The following KIAA1549L variants were observed in gnomAD, a reference collection of about 807,000 sequenced individuals.
The protein encoded by KIAA1549L is UPF0606 protein KIAA1549L.
In KIAA1549L, 88 loss-of-function variants were observed where a neutral mutation model predicts 160.7. The ratio of observed to expected loss-of-function variants is 0.55; its 90% confidence interval spans 0.46 to 0.65. The LOEUF is 0.65. Among genes scored for constraint, KIAA1549L ranks in the 30% least tolerant of loss-of-function variants. KIAA1549L has a pLI of 0.00. For missense variants in KIAA1549L, 2,258 were observed against 2,437.5 expected (o/e 0.93, Z 1.55); for synonymous variants, 950 against 976.7 (o/e 0.97, Z 0.51).
chr11:33,444,377 A>G (rs888311028), intron 1 of KIAA1549L, among the ~76,000 whole-genome samples: 2 of 152,202 alleles, frequency 1.3e-5, no homozygotes, highest in African/African-American at 2.4e-5. Context: ...GAACTCTAAG[A>G]TATGTCATTA....
At chr11:33,639,299 A>G (rs1206441358) in intron 16 of KIAA1549L, among the ~76,000 whole-genome samples, 1 of 152,192 alleles carries the variant, frequency 6.6e-6, no homozygotes, top group African/African-American at 2.4e-5. Context: ...TTTTAAAACA[A>G]CATTAAAAGA....
Position 33,645,941 on chromosome 11 carries a change from AC to A in KIAA1549L, c.5667del (p.Ser1890AlafsTer6). Reference sequence around the variant, plus strand: ...GCACCTGCCCTATTCGGAGGTGGTGACCAGCGCTCCGGGGACCATGACGCGG... The same window carrying A: ...GCACCTGCCCTATTCGGAGGTGGTGACAGCGCTCCGGGGACCATGACGCGG... The part of the protein sequence containing the change: ...AQHLPYSEVV[T>X]SAPGTMTRPR... On this transcript the variant is annotated frameshift_variant, in exon 17 of 21. Transcript: ENST00000658780. LOFTEE classifies it high-confidence loss of function. 1 of 1,613,030 alleles carries A rather than the reference AC, an allele frequency of 6.2e-7. No individual in the cohort carries two copies. Among genetic ancestry groups the A allele is most frequent in the African/African-American group, 1.3e-5 (1 of 75,050 alleles).
chr11:33,441,496 A>G (rs1186550240), intron 1 of KIAA1549L, among the ~76,000 whole-genome samples: 8 of 96,732 alleles, frequency 8.3e-5, no homozygotes, highest in Non-Finnish European at 1.3e-4. Flanking sequence ...GAATCGCCAC[A>G]CGACTTCCAC....
At chr11:33,655,277 T>G (rs1216606006) in intron 17 of KIAA1549L, among the ~76,000 whole-genome samples, 1 of 152,086 alleles carries the variant, frequency 6.6e-6, no homozygotes, top group Non-Finnish European at 1.5e-5. Flanking sequence ...ACACACAGAC[T>G]TACCTGATCT....
At chr11:33,514,651 C>T (rs1160763866) in intron 1 of KIAA1549L, among the ~76,000 whole-genome samples, 1 of 152,218 alleles carries the variant, frequency 6.6e-6, no homozygotes, top group African/African-American at 2.4e-5. Context: ...CATATACCAA[C>T]CAGCCAATTT....
chr11:33,389,898 A>G (rs956144654), intron 1 of KIAA1549L, among the ~76,000 whole-genome samples: 2 of 152,230 alleles, frequency 1.3e-5, no homozygotes, highest in Admixed American at 1.3e-4. Flanking sequence ...TTCAGGGGAC[A>G]GATCACCTAG....
At chr11:33,546,468 C>A (rs1327238700) in intron 3 of KIAA1549L, among the ~76,000 whole-genome samples, 1 of 152,142 alleles carries the variant, frequency 6.6e-6, no homozygotes, top group Non-Finnish European at 1.5e-5. Flanking sequence ...ATCACCAGTT[C>A]CTTTCACTTC....
intron 1 of KIAA1549L, among the ~76,000 whole-genome samples, chr11:33,449,687 C>T (rs768658795): frequency 5.3e-5 from 8 of 151,556 alleles, no homozygotes; most frequent in South Asian, 2.1e-4. Context: ...TCTGACCTTA[C>T]GGTTGCATCT....
chr11:33,587,913 A>G (rs942385725), intron 11 of KIAA1549L, among the ~76,000 whole-genome samples: 1 of 152,170 alleles, frequency 6.6e-6, no homozygotes, highest in African/African-American at 2.4e-5. Flanking sequence ...ACGGCAGGAG[A>G]TGCTAACCAA....
chr11:33,400,549 A>G (rs1850478286), intron 1 of KIAA1549L, among the ~76,000 whole-genome samples: 1 of 152,228 alleles, frequency 6.6e-6, no homozygotes, highest in South Asian at 2.1e-4. Context: ...TTACCAGAGC[A>G]GGTCTTAGAG....
chr11:33,437,210 C>T (rs910525161), intron 1 of KIAA1549L, among the ~76,000 whole-genome samples: 14 of 152,124 alleles, frequency 9.2e-5, no homozygotes, highest in Admixed American at 7.2e-4. Context: ...AGAGTACTCT[C>T]ATATGTACAC....
chr11:33,388,524 A>AT (rs1412463394), intron 1 of KIAA1549L, among the ~76,000 whole-genome samples: 2 of 152,164 alleles, frequency 1.3e-5, no homozygotes, highest in African/African-American at 4.8e-5. Flanking sequence ...AGACCTCTTC[A>AT]TACAAATATT....
Position 33,537,100 on chromosome 11 carries a change from G to A in KIAA1549L, c.239-4702G>A, listed in dbSNP as rs546089206. Among the ~76,000 whole-genome samples, 16 of 152,340 alleles carry A rather than the reference G, an allele frequency of 1.1e-4. No individual in the cohort carries two copies. The South Asian group carries it at 3.3e-3, about 32-fold the overall frequency. ...ATCTAGCTGTGGTTACCTTTTATCA[G>A]TTCCTTGTACTCGTGATGCCTCTTC... On this transcript the variant is annotated intron_variant, in intron 1 of 20. Coordinates refer to ENST00000658780, the MANE Select transcript of KIAA1549L (RefSeq NM_012194.3).
intron 1 of KIAA1549L, among the ~76,000 whole-genome samples, chr11:33,445,806 G>C (rs758131703): frequency 1.3e-5 from 2 of 152,134 alleles, no homozygotes; most frequent in Non-Finnish European, 2.9e-5. Context: ...GCATAAACAG[G>C]ACTCAATGAA....
intron 20 of KIAA1549L, among the ~76,000 whole-genome samples, chr11:33,663,066 A>G (rs540496788): frequency 6.6e-6 from 1 of 152,244 alleles, no homozygotes; most frequent in Non-Finnish European, 1.5e-5. Flanking sequence ...GGTGATTTAT[A>G]GCATATGAAA....
intron 18 of KIAA1549L, among the ~76,000 whole-genome samples, chr11:33,656,861 G>T (rs932376803): frequency 6.6e-6 from 1 of 152,130 alleles, no homozygotes; most frequent in African/African-American, 2.4e-5. Flanking sequence ...AATGCGGAGG[G>T]GCGTAGACGT....
chr11:33,645,872 C>T lies in KIAA1549L; in HGVS notation c.5596C>T (p.His1866Tyr), dbSNP rs775563655. ...EEAFSLASAG[H>Y]AGQSRHQEAY... is the part of the protein sequence containing the mutation. ...GGCCTTCAGCCTGGCATCCGCGGGC[C>T]ACGCAGGCCAGAGCCGGCACCAAGA... Residue 1866 changes from histidine (H) to tyrosine (Y), a missense_variant, in exon 17 of 21, where the codon CAC becomes TAC. His to Tyr is a moderately conservative substitution (Grantham distance 83). Coordinates refer to ENST00000658780, the MANE Select transcript of KIAA1549L (RefSeq NM_012194.3). 4.3e-6 allele frequency: 7 copies of T among 1,613,738 alleles called. No individual in the cohort carries two copies. The highest frequency in any genetic ancestry group is 5.9e-6 in the Non-Finnish European group (7 of 1,179,870).
chr11:33,660,876 A>G lies in KIAA1549L; in HGVS notation c.6021A>G (p.Pro2007=). Residue 2007 remains proline, a synonymous_variant, in exon 20 of 21, where the codon CCA becomes CCG. Transcript: ENST00000658780. Reference sequence around the variant, plus strand: ...CCTCCATGCCAGGTAATACGGTGCCAGCAGTGTTCGCCATCCCAGCTGCCA... The same window carrying G: ...CCTCCATGCCAGGTAATACGGTGCCGGCAGTGTTCGCCATCCCAGCTGCCA... ...SALNYSGNTV[P]AVFAIPAANR... is the part of the protein sequence containing the mutation. The G allele has an allele frequency of 3.7e-6, 6 of 1,613,874 alleles. No homozygotes were observed. Among genetic ancestry groups the G allele is most frequent in the Non-Finnish European group, 5.1e-6 (6 of 1,179,840 alleles).
At chr11:33,470,454 C>CT (rs1259042570) in intron 1 of KIAA1549L, among the ~76,000 whole-genome samples, 39 of 150,636 alleles carry the variant, frequency 2.6e-4, no homozygotes, top group Admixed American at 1.9e-3. Context: ...TTGGTTTTGG[C>CT]TTTTTTTTTC....
Sources: allele counts gnomAD v4.1 joint callset (sites outside exome capture counted in the v4.1 genomes callset), GRCh38; gene constraint gnomAD v4.1.1; transcripts MANE v1.5; gene names NCBI Gene and HGNC (gene_info 2026-07-23, HGNC 2026-07-21).